The following RBFOX1 variants were observed in gnomAD, a reference collection of about 807,000 sequenced individuals.
RBFOX1 encodes RNA binding protein fox-1 homolog 1.
In RBFOX1, 8 loss-of-function variants were observed where a neutral mutation model predicts 57.7. The ratio of observed to expected loss-of-function variants is 0.14; its 90% CI spans 0.08 to 0.25. The LOEUF (loss-of-function observed/expected upper bound fraction) is 0.25. RBFOX1 is among the 10% of genes least tolerant of loss of function. The pLI is 1.00. For synonymous variants in RBFOX1, 326 were observed against 222.4 expected, an observed-to-expected ratio of 1.47 and a Z score of -4.15; for missense variants, 611 against 548.5, an observed-to-expected ratio of 1.11 and a Z score of -1.14.
chr16:6,476,234 C>T (rs12929359), intron 2 of RBFOX1, among the ~76,000 whole-genome samples: 32,985 of 151,972 alleles, frequency 0.22, 4,479 homozygotes, highest in Non-Finnish European at 0.3. Context: ...CAAATACTAC[C>T]CATTTTGTAT....
chr16:6,980,390 C>T (rs561342638), intron 3 of RBFOX1, among the ~76,000 whole-genome samples: 3 of 152,152 alleles, frequency 2.0e-5, no homozygotes, highest in South Asian at 2.1e-4. Flanking sequence ...TTATCTTTTT[C>T]CTTCATGAGA....
intron 4 of RBFOX1, chr16:7,431,318 G>C (rs1322999258): frequency 6.6e-6 from 1 of 152,182 alleles, no homozygotes. Flanking sequence ...CCTCAAGCTT[G>C]TGGGCTCAAG....
intron 2 of RBFOX1, among the ~76,000 whole-genome samples, chr16:6,534,530 G>C (rs538974634): frequency 6.6e-6 from 1 of 152,252 alleles, no homozygotes; most frequent in Non-Finnish European, 1.5e-5. Context: ...CATTGGGAAA[G>C]GACATCCTGT....
intron 13 of RBFOX1, among the ~76,000 whole-genome samples, chr16:7,668,108 C>T (rs1221345333): frequency 6.6e-6 from 1 of 152,160 alleles, no homozygotes; most frequent in East Asian, 1.9e-4. Context: ...CAGAGCAGGT[C>T]AACAACTCAA....
At chr16:5,314,411 G>C (rs2064175809) in intron 1 of RBFOX1, among the ~76,000 whole-genome samples, 2 of 152,226 alleles carry the variant, frequency 1.3e-5, no homozygotes, top group African/African-American at 2.4e-5. Context: ...CTTCTCTTGA[G>C]GGATCTGGGA....
In RBFOX1 at chr16:7,504,899, C is replaced by A. The variant is rs1400554741; in HGVS notation, c.28-13248C>A. 4.8e-5 allele frequency among the ~76,000 whole-genome samples: 7 copies of A among 146,276 alleles called. No homozygotes were observed. In the East Asian group the frequency reaches 1.2e-3, roughly 26 times the overall value. On this transcript the variant is annotated intron_variant, in intron 4 of 15. Transcript: ENST00000550418. Reference sequence around the variant, plus strand: ...GCTGTTAGTTTGTATTAATAACAGGCAATAATACGGCATTTGAAGCAATTT... The same window carrying A: ...GCTGTTAGTTTGTATTAATAACAGGAAATAATACGGCATTTGAAGCAATTT...
intron 4 of RBFOX1, among the ~76,000 whole-genome samples, chr16:7,087,023 C>T (rs2060097690): frequency 6.6e-6 from 1 of 152,146 alleles, no homozygotes; most frequent in Non-Finnish European, 1.5e-5. Context: ...AGCCTCTGAG[C>T]CCGCAATGAC....
At chr16:7,091,016 C>G (rs1841885619) in intron 4 of RBFOX1, among the ~76,000 whole-genome samples, 2 of 152,190 alleles carry the variant, frequency 1.3e-5, no homozygotes, top group African/African-American at 2.4e-5. Flanking sequence ...ACCTACTCAT[C>G]TAATTCACAA....
chr16:7,226,974 G>A (rs942785137), intron 4 of RBFOX1, among the ~76,000 whole-genome samples: 5 of 152,120 alleles, frequency 3.3e-5, no homozygotes, highest in African/African-American at 1.2e-4. Context: ...ATGAATTTCT[G>A]GCTTGTCTTC....
intron 2 of RBFOX1, among the ~76,000 whole-genome samples, chr16:6,471,152 T>C (rs1479700106): frequency 6.6e-6 from 1 of 152,210 alleles, no homozygotes; most frequent in East Asian, 1.9e-4. Context: ...TTTCCATCAG[T>C]TCACCCAGTC....
At chr16:6,876,094 T>C (rs2061795094) in intron 3 of RBFOX1, among the ~76,000 whole-genome samples, 1 of 151,644 alleles carries the variant, frequency 6.6e-6, no homozygotes, top group African/African-American at 2.4e-5. Context: ...GGTCACTTGA[T>C]CCAGAAGGAA....
At chr16:6,640,625 A>G (rs1422723540) in intron 2 of RBFOX1, among the ~76,000 whole-genome samples, 1 of 152,080 alleles carries the variant, frequency 6.6e-6, no homozygotes, top group Non-Finnish European at 1.5e-5. Flanking sequence ...ATAAATAAAT[A>G]AATAAATAAA....
In RBFOX1 at chr16:7,483,184, C is replaced by G. The variant is rs551815178; in HGVS notation, c.28-34963C>G. ...CAGAGCAGTGCAGAATATTTATTAA[C>G]CACCTACTATGTGACTGCGGAAATA... On this transcript the variant is annotated intron_variant, in intron 4 of 15. Coordinates refer to ENST00000550418, the MANE Select transcript of RBFOX1 (RefSeq NM_018723.4). Among the ~76,000 whole-genome samples, 4 of 152,316 alleles carry G rather than the reference C, an allele frequency of 2.6e-5. No individual in the cohort carries two copies. The South Asian group carries it at 8.3e-4, about 32-fold the overall frequency.
rs969580094 is a variant in RBFOX1, at chr16:7,552,717, C to T, written c.271-27060C>T. ...TCTTTTTTTGCAATGGAGTGTTACT[C>T]TGTTGCTCAGGCCGAAGTGCAATGG... On this transcript the variant is annotated intron_variant, in intron 5 of 15. Coordinates refer to ENST00000550418, the MANE Select transcript of RBFOX1 (RefSeq NM_018723.4). 5.9e-4 allele frequency among the ~76,000 whole-genome samples: 90 copies of T among 152,276 alleles called. 1 individual carries two copies. The highest frequency in any genetic ancestry group is 2.1e-3 in the African/African-American group (88 of 41,552).
At chr16:7,129,344 G>T (rs1217849591) in intron 4 of RBFOX1, among the ~76,000 whole-genome samples, 1 of 152,104 alleles carries the variant, frequency 6.6e-6, no homozygotes, top group African/African-American at 2.4e-5. Context: ...CTAAGATGAG[G>T]TACAGGAGTC....
At position 6,450,845 on chromosome 16, in the gene RBFOX1, A is replaced by T. The variant is rs867879108; in HGVS notation, c.-64+133788A>T. 2.5e-4 allele frequency among the ~76,000 whole-genome samples: 16 copies of T among 63,276 alleles called. 2 individuals carry two copies. Among genetic ancestry groups the T allele is most frequent in the African/African-American group, 1.0e-3 (16 of 15,840 alleles). 41.5% of individuals were successfully genotyped at this position (63,276 alleles called of 152,430 possible). On this transcript the variant is annotated intron_variant, in intron 2 of 15. Coordinates refer to ENST00000550418, the MANE Select transcript of RBFOX1 (RefSeq NM_018723.4). ...TATATATATATATATATGTGTATAT[A>T]TATATATATATATATATATATATAT...
At chr16:6,703,955 T>C (rs2062270926) in intron 3 of RBFOX1, 1 of 152,408 alleles carries the variant, frequency 6.6e-6, no homozygotes, top group South Asian at 2.1e-4. Flanking sequence ...AAAGGGAATT[T>C]TCTAGGTCCC....
At chr16:6,967,945 A>G (rs890245560) in intron 3 of RBFOX1, among the ~76,000 whole-genome samples, 1 of 152,136 alleles carries the variant, frequency 6.6e-6, no homozygotes, top group Non-Finnish European at 1.5e-5. Flanking sequence ...CGGGTGCCAG[A>G]AGGATAAAAA....
intron 1 of RBFOX1, among the ~76,000 whole-genome samples, chr16:6,098,916 C>T (rs921167990): frequency 2.0e-5 from 3 of 152,156 alleles, no homozygotes; most frequent in Non-Finnish European, 4.4e-5. Context: ...AGGGATGTGG[C>T]TTCGTTGAAG....
Sources: gnomAD v4.1 joint callset for allele counts (sites outside exome capture counted in the v4.1 genomes callset) on GRCh38, gnomAD v4.1.1 for gene constraint, MANE v1.5 for transcripts, NCBI Gene and HGNC (gene_info 2026-07-23, HGNC 2026-07-21) for gene names.